The following CRYBG1 variants were observed in gnomAD, a reference collection of about 807,000 sequenced individuals.
The protein encoded by CRYBG1 is crystallin beta-gamma domain containing 1, also known as beta/gamma crystallin domain-containing protein 1.
A neutral mutation model predicts 189.2 loss-of-function variants in CRYBG1; 139 were observed. The ratio of observed to expected loss-of-function variants is 0.73; its 90% CI spans 0.64 to 0.85. CRYBG1 has a LOEUF of 0.85. Among genes scored for constraint, CRYBG1 ranks in the 40% least tolerant of loss-of-function variants. The pLI is 0.00. For missense variants in CRYBG1, 2,611 were observed against 2,675.8 expected (o/e 0.98, Z 0.53); for synonymous variants, 1,023 against 1,017.1 (o/e 1.01, Z -0.11).
At chr6:106,381,632 T>C (rs1770291640) in intron 1 of CRYBG1, among the ~76,000 whole-genome samples, 1 of 152,258 alleles carries the variant, frequency 6.6e-6, no homozygotes, top group African/African-American at 2.4e-5. Flanking sequence ...TGTTGGTAAA[T>C]AGAGGTTGAT....
At chr6:106,381,416 C>T (rs1164924354) in intron 1 of CRYBG1, among the ~76,000 whole-genome samples, 1 of 152,004 alleles carries the variant, frequency 6.6e-6, no homozygotes, top group Non-Finnish European at 1.5e-5. Context: ...GTTCTTTCAA[C>T]CATGAATTCT....
At chr6:106,409,254 A>T (rs577981890) in intron 1 of CRYBG1, among the ~76,000 whole-genome samples, 1 of 152,372 alleles carries the variant, frequency 6.6e-6, no homozygotes, top group East Asian at 1.9e-4. Flanking sequence ...CCAGATCATG[A>T]GTGAACTCAC....
chr6:106,413,288 C>T (rs1266268359), intron 1 of CRYBG1, among the ~76,000 whole-genome samples: 1 of 152,160 alleles, frequency 6.6e-6, no homozygotes, highest in Non-Finnish European at 1.5e-5. Flanking sequence ...AGCAGAATCA[C>T]ACAGTCAGAG....
intron 13 of CRYBG1, among the ~76,000 whole-genome samples, chr6:106,548,826 T>C (rs1057451255): frequency 5.3e-5 from 8 of 151,868 alleles, no homozygotes; most frequent in South Asian, 4.2e-4. Context: ...ATGTGCCATG[T>C]TGGTGTGCTG....
intron 1 of CRYBG1, among the ~76,000 whole-genome samples, chr6:106,433,489 G>T (rs1771374701): frequency 6.6e-6 from 1 of 151,936 alleles, no homozygotes; most frequent in Non-Finnish European, 1.5e-5. Context: ...CATATTATCT[G>T]GGATTTAATT....
intron 1 of CRYBG1, among the ~76,000 whole-genome samples, chr6:106,391,970 T>TGTGTGC (rs1257494111): frequency 5.1e-5 from 4 of 78,352 alleles, no homozygotes; most frequent in African/African-American, 2.3e-4. Flanking sequence ...TGTGTGTGTG[T>TGTGTGC]GCGTGCGCGT....
chr6:106,559,151 G>C (rs1482323180), intron 18 of CRYBG1, among the ~76,000 whole-genome samples: 2 of 152,190 alleles, frequency 1.3e-5, no homozygotes, highest in Non-Finnish European at 2.9e-5. Flanking sequence ...TTAAGGTAAG[G>C]ATTTTGTCTT....
intron 1 of CRYBG1, among the ~76,000 whole-genome samples, chr6:106,362,432 T>C (rs567194101): frequency 5.1e-4 from 78 of 152,270 alleles, no homozygotes; most frequent in Middle Eastern, 3.4e-3. Flanking sequence ...TACCAAAAAA[T>C]GCAATGATAG....
intron 1 of CRYBG1, among the ~76,000 whole-genome samples, chr6:106,407,074 A>G (rs539942296): frequency 6.6e-6 from 1 of 152,346 alleles, no homozygotes; most frequent in South Asian, 2.1e-4. Context: ...CCCCCAGTTA[A>G]AAGACACAGA....
rs981916188 is a variant in CRYBG1, at chr6:106,493,087, C to G, written c.313-18343C>G. Among the ~76,000 whole-genome samples the G allele has an allele frequency of 4.6e-5, 7 of 151,618 alleles. No individual in the cohort carries two copies. In the East Asian group the frequency reaches 1.4e-3, roughly 29 times the overall value. ...TAGATCAGGAAAAAATGAATCATTT[C>G]TTGCCAAGCCTGGGGGATTTTGTAA... is the stretch of plus-strand genomic sequence containing the variant. On this transcript the variant is annotated intron_variant, in intron 2 of 21. Coordinates refer to ENST00000633556, the MANE Select transcript of CRYBG1 (RefSeq NM_001371242.2).
At chr6:106,370,600 T>G (rs1770004295) in intron 1 of CRYBG1, among the ~76,000 whole-genome samples, 1 of 152,176 alleles carries the variant, frequency 6.6e-6, no homozygotes, top group Non-Finnish European at 1.5e-5. Flanking sequence ...TGCTGATACT[T>G]TATCCCACTT....
intron 8 of CRYBG1, among the ~76,000 whole-genome samples, chr6:106,532,369 C>A (rs1773896932): frequency 1.3e-5 from 2 of 152,206 alleles, no homozygotes; most frequent in African/African-American, 4.8e-5. Context: ...AAGAAACATG[C>A]AAGTGCGGGT....
intron 2 of CRYBG1, among the ~76,000 whole-genome samples, chr6:106,505,284 C>CG (rs1267860204): frequency 1.3e-5 from 2 of 152,042 alleles, no homozygotes; most frequent in Non-Finnish European, 2.9e-5. Flanking sequence ...TTAGTAGAGA[C>CG]GGGGTTTCAT....
intron 18 of CRYBG1, 31 bp downstream of exon 18, chr6:106,558,656 T>G: frequency 1.9e-6 from 3 of 1,553,944 alleles, no homozygotes; most frequent in Non-Finnish European, 2.6e-6. Context: ...CTCAATAAAA[T>G]AGATCATTTT....
At chr6:106,418,940 G>A (rs1029562321) in intron 1 of CRYBG1, among the ~76,000 whole-genome samples, 1 of 152,214 alleles carries the variant, frequency 6.6e-6, no homozygotes, top group Admixed American at 6.5e-5. Flanking sequence ...TTTACATAGG[G>A]CCTAAAGATT....
intron 3 of CRYBG1, among the ~76,000 whole-genome samples, chr6:106,513,468 T>G (rs1443277136): frequency 6.6e-6 from 1 of 152,238 alleles, no homozygotes. Flanking sequence ...ATCCAGTAGC[T>G]TTGACATGTG....
intron 1 of CRYBG1, among the ~76,000 whole-genome samples, chr6:106,439,412 A>G (rs1427117755): frequency 1.3e-5 from 2 of 152,168 alleles, no homozygotes; most frequent in African/African-American, 2.4e-5. Context: ...AAAATTTGGT[A>G]CAAAGACAAT....
At chr6:106,510,200 G>T (rs772633996) in intron 2 of CRYBG1, among the ~76,000 whole-genome samples, 5 of 152,152 alleles carry the variant, frequency 3.3e-5, no homozygotes, top group Non-Finnish European at 7.4e-5. Flanking sequence ...CGCACGTTTG[G>T]CCTGGTTTCA....
intron 1 of CRYBG1, among the ~76,000 whole-genome samples, chr6:106,448,891 C>G (rs1435316610): frequency 6.6e-6 from 1 of 152,140 alleles, no homozygotes; most frequent in East Asian, 1.9e-4. Context: ...GGAGATTTCC[C>G]CCACTTCTAA....
Sources: allele counts gnomAD v4.1 joint callset (sites outside exome capture counted in the v4.1 genomes callset), GRCh38; gene constraint gnomAD v4.1.1; transcripts MANE v1.5; gene names NCBI Gene and HGNC (gene_info 2026-07-23, HGNC 2026-07-21).